Variants in PUS10 observed in about 807,000 individuals in gnomAD.
PUS10 encodes tRNA pseudouridine synthase Pus10.
A neutral mutation model predicts 75.0 loss-of-function variants in PUS10; 59 were observed. The observed-to-expected ratio is 0.79, with a 90% confidence interval of 0.64 to 0.98. The LOEUF is 0.98. Ranked by LOEUF, PUS10 falls within the 50% of genes least tolerant of loss-of-function variation. PUS10 has a pLI of 0.00. For missense variants in PUS10, 650 were observed against 614.4 expected (o/e 1.06, Z -0.61); for synonymous variants, 219 against 211.6 (o/e 1.03, Z -0.30).
chr2:61,014,238 T>C (rs1679823183), intron 1 of PUS10, among the ~76,000 whole-genome samples: 1 of 151,908 alleles, frequency 6.6e-6, no homozygotes, highest in African/African-American at 2.4e-5. Flanking sequence ...ATTAGCCAGG[T>C]GTGTTGGCGT....
At chr2:60,947,202 G>T (rs954500243) in intron 16 of PUS10, among the ~76,000 whole-genome samples, 2 of 152,088 alleles carry the variant, frequency 1.3e-5, no homozygotes, top group Non-Finnish European at 2.9e-5. Context: ...TATGTCATCT[G>T]AATCGTTTTG....
chr2:60,942,397 A>G lies in PUS10; in HGVS notation c.1588T>C (p.Ter530GlnextTer14), dbSNP rs767841838. ...DVDWPPALDD[*>Q] The stretch of plus-strand genomic sequence containing the variant: ...CTCTTTGTCTCCAAATTTGAAAGCT[A>G]GTCATCCAGAGCAGGTGGCCAGTCA... The change falls in exon 18 of 18, where the codon TAG (stop) becomes CAG (glutamine). Residue 530 changes from the stop codon to glutamine, a stop_lost. Coordinates refer to ENST00000316752, the MANE Select transcript of PUS10 (RefSeq NM_144709.4). The G allele has an allele frequency of 1.2e-6, 2 of 1,613,296 alleles. No individual in the cohort carries two copies. The highest frequency in any genetic ancestry group is 1.7e-5 in the Admixed American group (1 of 60,024).
At chr2:60,970,982 C>T (rs1013033261) in intron 5 of PUS10, among the ~76,000 whole-genome samples, 1 of 152,040 alleles carries the variant, frequency 6.6e-6, no homozygotes, top group Admixed American at 6.6e-5. Flanking sequence ...GAGTTCAAGA[C>T]CAGCCTGGAC....
At chr2:60,990,932 C>T (rs1678033613) in intron 4 of PUS10, among the ~76,000 whole-genome samples, 1 of 152,068 alleles carries the variant, frequency 6.6e-6, no homozygotes, top group African/African-American at 2.4e-5. Flanking sequence ...TTTTTGTTGA[C>T]ATGAGGTCTT....
At chr2:61,006,895 A>T (rs1679247828) in intron 3 of PUS10, among the ~76,000 whole-genome samples, 1 of 152,232 alleles carries the variant, frequency 6.6e-6, no homozygotes, top group Non-Finnish European at 1.5e-5. Context: ...GTGTCAAAAT[A>T]GCTTTCTATT....
chr2:60,989,387 C>A (rs75349774), intron 4 of PUS10, among the ~76,000 whole-genome samples: 3,574 of 152,206 alleles, frequency 0.023, 64 homozygotes, highest in Non-Finnish European at 0.037. Context: ...TTGATTGAGT[C>A]TTTTGAGTCA....
At position 60,966,815 on chromosome 2, in the gene PUS10, T is replaced by A. The variant is rs192590054; in HGVS notation, c.615+687A>T. ...TTTAGTAGATGGTTTTGTGATTTTA[T>A]TTGAATAGGGGTGTATCTGATATTC... is the stretch of plus-strand genomic sequence containing the variant. On this transcript the variant is annotated intron_variant, in intron 6 of 17. Transcript: ENST00000316752. The A allele has an allele frequency of 5.2e-5, 8 of 152,454 alleles. No individual in the cohort carries two copies. The East Asian group carries it at 1.5e-3, about 29-fold the overall frequency. 9.4% of individuals were successfully genotyped at this position (152,454 alleles called of 1,614,324 possible). A position where few individuals can be genotyped will look rare whatever the true frequency, so the allele number is the denominator to read the frequency against.
rs890747857 is a variant in PUS10, at chr2:60,940,347, T to C, written c.*2048A>G. On this transcript the variant is annotated 3_prime_UTR_variant, in exon 18 of 18. Coordinates refer to ENST00000316752, the MANE Select transcript of PUS10 (RefSeq NM_144709.4). ...AGAGATACTAAGAAGTACAAAGGGC[T>C]CTTTCTCTTAAGTGTTATGAAAAAG... 3 of 152,338 alleles carry C rather than the reference T, an allele frequency of 2.0e-5. No homozygotes were observed. The highest frequency in any genetic ancestry group is 1.3e-4 in the Admixed American group (2 of 15,284). The allele number at this position is 152,338 out of a possible 1,614,324, so 9.4% of individuals were successfully genotyped here. A position where few individuals can be genotyped will look rare whatever the true frequency, so the allele number is the denominator to read the frequency against.
intron 4 of PUS10, among the ~76,000 whole-genome samples, chr2:60,986,959 T>C (rs1296751558): frequency 6.6e-6 from 1 of 152,240 alleles, no homozygotes; most frequent in African/African-American, 2.4e-5. Context: ...AGATAGTTTA[T>C]GAGAATGTTA....
chr2:60,943,762 T>G (rs1226005254), intron 17 of PUS10, among the ~76,000 whole-genome samples: 4 of 146,740 alleles, frequency 2.7e-5, no homozygotes, highest in Admixed American at 1.4e-4. Flanking sequence ...GATCACAATC[T>G]TGTGTGTGTG....
chr2:61,008,906 C>T lies in PUS10; in HGVS notation c.236G>A (p.Ser79Asn), dbSNP rs1252759507. ...KKIRLQELED[S>N]IDNLSQNGEG... ...TCCATTTTGACTTAGATTATCAATACTATCTTCCAGTTCTTGCAGTCGAAT... is the reference window on the plus strand; with the variant it reads ...TCCATTTTGACTTAGATTATCAATATTATCTTCCAGTTCTTGCAGTCGAAT... The change falls in exon 3 of 18, where the codon AGT becomes AAT. Residue 79 changes from serine to asparagine, a missense_variant. Coordinates refer to ENST00000316752, the MANE Select transcript of PUS10 (RefSeq NM_144709.4). 1.2e-6 allele frequency: 2 copies of T among 1,613,930 alleles called. No homozygotes were observed. Among genetic ancestry groups the T allele is most frequent in the East Asian group, 2.2e-5 (1 of 44,844 alleles).
intron 2 of PUS10, chr2:61,010,813 A>C (rs1679548508): frequency 6.5e-7 from 1 of 1,550,320 alleles, no homozygotes; most frequent in African/African-American, 1.4e-5. Context: ...AGACTGTTCA[A>C]ATCCTAGCTT....
At chr2:61,004,185 C>G (rs192119488) in intron 4 of PUS10, among the ~76,000 whole-genome samples, 47 of 152,210 alleles carry the variant, frequency 3.1e-4, no homozygotes, top group Admixed American at 4.6e-4. Context: ...AATTTATATT[C>G]AAAATGCAGA....
In PUS10 at chr2:61,008,889, G is replaced by T; in HGVS notation, c.253C>A (p.Gln85Lys). ...ACAGAGATCCTTCCCTCTCCATTTT[G>T]ACTTAGATTATCAATACTATCTTCC... ...ELEDSIDNLS[Q>K]NGEGRISVSH... Residue 85 changes from glutamine to lysine, a missense_variant, in exon 3 of 18, where the codon CAA becomes AAA. Gln to Lys is a moderately conservative substitution (Grantham distance 53, BLOSUM62 1). Coordinates refer to ENST00000316752, the MANE Select transcript of PUS10 (RefSeq NM_144709.4). 6.2e-7 allele frequency: 1 copy of T among 1,613,800 alleles called. No homozygotes were observed. Among genetic ancestry groups the T allele is most frequent in the Non-Finnish European group, 8.5e-7 (1 of 1,179,874 alleles).
rs1573420372 is a variant in PUS10 at position 60,965,641 on chromosome 2, G to A, written c.616-157C>T. 1.0e-4 allele frequency: 54 copies of A among 542,090 alleles called. 1 individual carries two copies. In the South Asian group the frequency reaches 1.5e-3, roughly 15 times the overall value. 33.6% of individuals were successfully genotyped at this position (542,090 alleles called of 1,614,324 possible). A position where few individuals can be genotyped will look rare whatever the true frequency, so the allele number is the denominator to read the frequency against. On this transcript the variant is annotated intron_variant, in intron 6 of 17. Transcript: ENST00000316752. ...GCTCTCAAATCAACTTGTTATCAGG[G>A]CAGCTGTAAAGGAAATAGTTTTGTT...
At chr2:60,994,607 G>T (rs1333516858) in intron 4 of PUS10, among the ~76,000 whole-genome samples, 3 of 152,142 alleles carry the variant, frequency 2.0e-5, no homozygotes, top group South Asian at 4.1e-4. Context: ...AAAATAAACT[G>T]GTGGTTTACC....
At chr2:61,015,849 T>A (rs1168355944) in intron 1 of PUS10, among the ~76,000 whole-genome samples, 1 of 152,192 alleles carries the variant, frequency 6.6e-6, no homozygotes, top group East Asian at 1.9e-4. Context: ...TTACAGTGCA[T>A]CTCTGACTAC....
At chr2:60,967,428 C>A (rs925649357) in intron 6 of PUS10, 74 bp downstream of exon 6, 10 of 1,059,856 alleles carry the variant, frequency 9.4e-6, no homozygotes, top group South Asian at 4.3e-5. Context: ...TTTGGCTAAC[C>A]AAAACCCTGC....
chr2:60,963,759 A>G (rs1220873856), intron 8 of PUS10, among the ~76,000 whole-genome samples: 2 of 152,210 alleles, frequency 1.3e-5, no homozygotes, highest in East Asian at 3.8e-4. Flanking sequence ...GCTTGAAAAA[A>G]ATCTCAAAAA....
Sources: gnomAD v4.1 joint callset for allele counts (sites outside exome capture counted in the v4.1 genomes callset) on GRCh38, gnomAD v4.1.1 for gene constraint, MANE v1.5 for transcripts, NCBI Gene and HGNC (gene_info 2026-07-23, HGNC 2026-07-21) for gene names.